The following FAM174A variants were observed in gnomAD, a reference collection of about 807,000 sequenced individuals.
FAM174A encodes the protein family with sequence similarity 174 member A.
A neutral mutation model predicts 14.3 loss-of-function variants in FAM174A; 14 were observed. That is an observed-to-expected ratio of 0.98 (90% CI 0.65 to 1.53). The LOEUF (loss-of-function observed/expected upper bound fraction) is 1.53. Ranked by LOEUF, FAM174A falls within the 40% of genes most tolerant of loss-of-function variation. The pLI is 0.00. For synonymous variants in FAM174A, 108 were observed against 111.4 expected (o/e 0.97, Z 0.19); for missense variants, 241 against 249.6 (o/e 0.97, Z 0.23).
Position 100,560,236 on chromosome 5 carries a change from T to G in FAM174A, c.435-1818T>G, listed in dbSNP as rs191663251. On this transcript the variant is annotated intron_variant, in intron 1 of 2. Coordinates refer to ENST00000312637, the MANE Select transcript of FAM174A (RefSeq NM_198507.3). ...CACTCCAGACCCTGTTTGCCTGGGT[T>G]TTTTATAGAGAAAGTTTAGACCTCT... Among the ~76,000 whole-genome samples the G allele has an allele frequency of 5.3e-4, 80 of 152,084 alleles. No individual in the cohort carries two copies. In the Middle Eastern group the frequency reaches 0.014, roughly 26 times the overall value.
At chr5:100,581,180 C>T (rs547675901) in intron 2 of FAM174A, among the ~76,000 whole-genome samples, 31 of 152,144 alleles carry the variant, frequency 2.0e-4, no homozygotes, top group African/African-American at 7.2e-4. Context: ...TTCACTCACC[C>T]GGGCCTCCCA....
intron 2 of FAM174A, chr5:100,581,528 G>A (rs757167452): frequency 3.7e-5 from 9 of 244,112 alleles, no homozygotes; most frequent in East Asian, 1.8e-4. Flanking sequence ...CAAGGTGGGC[G>A]GATCACTTGA....
intron 2 of FAM174A, among the ~76,000 whole-genome samples, chr5:100,567,660 C>G (rs1350270364): frequency 6.6e-6 from 1 of 151,442 alleles, no homozygotes; most frequent in Non-Finnish European, 1.5e-5. Flanking sequence ...ATCTTTTTTT[C>G]TCTCATAATA....
At chr5:100,550,041 A>C (rs1033588546) in intron 1 of FAM174A, among the ~76,000 whole-genome samples, 1 of 152,150 alleles carries the variant, frequency 6.6e-6, no homozygotes, top group African/African-American at 2.4e-5. Context: ...TTGAAAGGAT[A>C]AACTTCAGTT....
At chr5:100,552,919 C>T (rs776309778) in intron 1 of FAM174A, among the ~76,000 whole-genome samples, 25 of 151,998 alleles carry the variant, frequency 1.6e-4, no homozygotes, top group African/African-American at 3.1e-4. Context: ...TTTCTTTTGC[C>T]GGCTTAGGCT....
chr5:100,585,317 A>G (rs1246661122), intron 2 of FAM174A, among the ~76,000 whole-genome samples: 1 of 152,336 alleles, frequency 6.6e-6, no homozygotes, highest in South Asian at 2.1e-4. Flanking sequence ...TTAACATAGT[A>G]GATTTGTATA....
At chr5:100,555,288 A>G (rs994500555) in intron 1 of FAM174A, among the ~76,000 whole-genome samples, 3 of 151,784 alleles carry the variant, frequency 2.0e-5, no homozygotes, top group African/African-American at 7.3e-5. Flanking sequence ...ATAGTATTCC[A>G]TGGTGTATAT....
chr5:100,553,865 C>T (rs891363814), intron 1 of FAM174A, among the ~76,000 whole-genome samples: 5 of 152,028 alleles, frequency 3.3e-5, no homozygotes, highest in Admixed American at 6.6e-5. Flanking sequence ...GATTAGGAAT[C>T]GTTAAAGACT....
intron 1 of FAM174A, among the ~76,000 whole-genome samples, chr5:100,544,459 GGA>G (rs1184298725): frequency 1.1e-4 from 16 of 151,946 alleles, no homozygotes; most frequent in African/African-American, 2.4e-4. Context: ...GAGAAGGAGA[GGA>G]GAGAGAGGGG....
chr5:100,564,690 G>A (rs931644298), intron 2 of FAM174A, among the ~76,000 whole-genome samples: 2 of 151,582 alleles, frequency 1.3e-5, no homozygotes, highest in South Asian at 4.1e-4. Context: ...AAATAAAAGA[G>A]AAGAAATTAC....
intron 1 of FAM174A, among the ~76,000 whole-genome samples, chr5:100,555,816 G>C (rs1210184841): frequency 6.6e-6 from 1 of 151,008 alleles, no homozygotes; most frequent in Non-Finnish European, 1.5e-5. Context: ...TTTTTCTTTT[G>C]AGTTCATTGT....
intron 1 of FAM174A, among the ~76,000 whole-genome samples, chr5:100,545,237 T>C (rs1406481110): frequency 6.6e-6 from 1 of 152,162 alleles, no homozygotes; most frequent in East Asian, 1.9e-4. Context: ...ATGTTGAAAT[T>C]GGGTTGAAAG....
intron 2 of FAM174A, among the ~76,000 whole-genome samples, chr5:100,569,833 T>C (rs890547724): frequency 1.3e-5 from 2 of 151,644 alleles, no homozygotes; most frequent in African/African-American, 4.8e-5. Flanking sequence ...TACATATATA[T>C]GGAGATATAT....
At chr5:100,582,988 A>G (rs980008172) in intron 2 of FAM174A, among the ~76,000 whole-genome samples, 5 of 152,204 alleles carry the variant, frequency 3.3e-5, no homozygotes, top group African/African-American at 1.2e-4. Flanking sequence ...TAACTGGAAG[A>G]CTTACTAATA....
At chr5:100,560,596 C>T (rs949359728) in intron 1 of FAM174A, among the ~76,000 whole-genome samples, 5 of 151,972 alleles carry the variant, frequency 3.3e-5, no homozygotes, top group African/African-American at 1.2e-4. Context: ...ACTTTACACC[C>T]AGGTGCTAAT....
chr5:100,563,107 T>TTA (rs1180263878), intron 2 of FAM174A, among the ~76,000 whole-genome samples: 2 of 151,874 alleles, frequency 1.3e-5, no homozygotes, highest in Admixed American at 6.6e-5. Context: ...TCTAAGCTGT[T>TTA]TATATATATG....
chr5:100,543,883 C>A (rs1746114564), intron 1 of FAM174A, among the ~76,000 whole-genome samples: 1 of 152,142 alleles, frequency 6.6e-6, no homozygotes, highest in Non-Finnish European at 1.5e-5. Flanking sequence ...GGAACATGTA[C>A]TCTACTGGGA....
At chr5:100,554,477 T>A (rs1746328946) in intron 1 of FAM174A, among the ~76,000 whole-genome samples, 1 of 151,634 alleles carries the variant, frequency 6.6e-6, no homozygotes. Flanking sequence ...CCACCATGCC[T>A]AGCTAATTTT....
At position 100,535,677 on chromosome 5, in the gene FAM174A, A is replaced by T; in HGVS notation, c.147A>T (p.Arg49Ser). The T allele has an allele frequency of 6.2e-7, 1 of 1,610,694 alleles. No individual in the cohort carries two copies. The highest frequency in any genetic ancestry group is 8.5e-7 in the Non-Finnish European group (1 of 1,179,224). Residue 49 changes from arginine (R) to serine (S), a missense_variant, in exon 1 of 3, where the codon AGA becomes AGT. Arg to Ser is a moderately radical substitution (Grantham distance 110, BLOSUM62 -1). Coordinates refer to ENST00000312637, the MANE Select transcript of FAM174A (RefSeq NM_198507.3). ...CAGGTCTTGGGCCTCCTGACCCTAG[A>T]CCACGGACATTACCGCCGCTGCCAC... ...AAPGLGPPDP[R>S]PRTLPPLPPG...
Sources: allele counts gnomAD v4.1 joint callset (sites outside exome capture counted in the v4.1 genomes callset), GRCh38; gene constraint gnomAD v4.1.1; transcripts MANE v1.5; gene names NCBI Gene and HGNC (gene_info 2026-07-23, HGNC 2026-07-21).